Variants in EPS15L1 observed in about 807,000 individuals in gnomAD.
EPS15L1 encodes the protein epidermal growth factor receptor pathway substrate 15 like 1, also known as epidermal growth factor receptor substrate 15-like 1.
A neutral mutation model predicts 117.1 loss-of-function variants in EPS15L1; 43 were observed. The observed-to-expected ratio is 0.37, with a 90% confidence interval of 0.29 to 0.47. The LOEUF is 0.47. Among genes scored for constraint, EPS15L1 ranks in the 20% least tolerant of loss-of-function variants. The pLI is 0.99. For missense variants in EPS15L1, 981 were observed against 1,164.0 expected, an observed-to-expected ratio of 0.84 and a Z score of 2.29; for synonymous variants, 459 against 470.5, an observed-to-expected ratio of 0.98 and a Z score of 0.32.
intron 23 of EPS15L1, chr19:16,357,400 GATAA>G (rs2091995893): frequency 6.6e-6 from 1 of 152,424 alleles, no homozygotes; most frequent in Non-Finnish European, 1.5e-5. Context: ...CGTGGGGTGG[GATAA>G]GCCAGACTGA....
At position 16,420,360 on chromosome 19, in the gene EPS15L1, C is replaced by T. The variant is rs547279644; in HGVS notation, c.950+959G>A. On this transcript the variant is annotated intron_variant, in intron 10 of 23. Transcript: ENST00000455140. ...ACAGTCAGGGTGTCAGGGCGCTAAC[C>T]AGGAACTGTATGTGTGTTGGTTTCA... 4.6e-5 allele frequency among the ~76,000 whole-genome samples: 7 copies of T among 152,316 alleles called. No individual in the cohort carries two copies. The South Asian group carries it at 1.4e-3, about 32-fold the overall frequency.
chr19:16,470,612 G>C (rs2093339955), intron 1 of EPS15L1, among the ~76,000 whole-genome samples: 2 of 150,630 alleles, frequency 1.3e-5, no homozygotes, highest in African/African-American at 4.9e-5. Context: ...TCAGTAACAA[G>C]AACTTGCTAA....
intron 18 of EPS15L1, 151 bp downstream of exon 18, chr19:16,393,800 C>T (rs1321661065): frequency 7.7e-6 from 6 of 776,426 alleles, no homozygotes; most frequent in Middle Eastern, 3.6e-4. Context: ...GGAACGGGAC[C>T]GAGAATGGGT....
intron 10 of EPS15L1, among the ~76,000 whole-genome samples, chr19:16,419,542 A>ATTAT (rs1207371462): frequency 6.6e-6 from 1 of 152,114 alleles, no homozygotes; most frequent in Non-Finnish European, 1.5e-5. Context: ...GCATCTATGA[A>ATTAT]AAATGTCTTC....
intron 1 of EPS15L1, among the ~76,000 whole-genome samples, chr19:16,465,291 GT>G (rs2145199187): frequency 6.6e-6 from 1 of 152,134 alleles, no homozygotes; most frequent in South Asian, 2.1e-4. Context: ...TGGACCACCC[GT>G]GACCTGAGCC....
Position 16,404,686 on chromosome 19 carries a change from C to T in EPS15L1, c.1330G>A (p.Asp444Asn). 1.2e-6 allele frequency: 2 copies of T among 1,614,214 alleles called. No homozygotes were observed. Among genetic ancestry groups the T allele is most frequent in the Non-Finnish European group, 1.7e-6 (2 of 1,180,046 alleles). Residue 444 changes from aspartate to asparagine, a missense_variant, in exon 14 of 24, where the codon GAT (aspartate) becomes AAT (asparagine). Coordinates refer to ENST00000455140, the MANE Select transcript of EPS15L1 (RefSeq NM_001258374.3). This position sits in a 1 kb window ranked among gnomAD's most constrained non-coding sequence, Gnocchi z 4.2. The stretch of plus-strand genomic sequence containing the variant: ...ATCTCGTCCAGGCGGTCTTGAGCAT[C>T]CTGTTTCTGAGCCTCGAGCTCCTGC... ...SLQELEAQKQDAQDRLDEMDQ... is the reference protein window; with the variant it reads ...SLQELEAQKQNAQDRLDEMDQ...
chr19:16,470,913 AT>A (rs2093341602), intron 1 of EPS15L1, among the ~76,000 whole-genome samples: 2 of 152,138 alleles, frequency 1.3e-5, no homozygotes. Flanking sequence ...ATCCCAACAC[AT>A]TTTTATATCT....
intron 8 of EPS15L1, among the ~76,000 whole-genome samples, chr19:16,427,934 T>C (rs948510323): frequency 6.7e-6 from 1 of 149,068 alleles, no homozygotes; most frequent in African/African-American, 2.5e-5. Context: ...CTAGGTGCAG[T>C]GGCTCACGCC....
intron 7 of EPS15L1, among the ~76,000 whole-genome samples, chr19:16,431,236 C>CAA (rs370688830): frequency 2.6e-4 from 33 of 125,368 alleles, no homozygotes; most frequent in South Asian, 1.9e-3. Flanking sequence ...GACTTCATCT[C>CAA]AAAAAAAAAA....
At chr19:16,430,919 G>A (rs919883806) in intron 7 of EPS15L1, among the ~76,000 whole-genome samples, 1 of 152,206 alleles carries the variant, frequency 6.6e-6, no homozygotes, top group South Asian at 2.1e-4. Context: ...AGGGACATGG[G>A]TGCATAGATG....
Position 16,401,704 on chromosome 19 carries a change from G to A in EPS15L1, c.1791+617C>T, listed in dbSNP as rs74394451. 3.0e-3 allele frequency: 2,987 copies of A among 985,406 alleles called. 59 individuals carry two copies. In the African/African-American group the frequency reaches 0.047, roughly 16 times the overall value. 61.0% of individuals were successfully genotyped at this position (985,406 alleles called of 1,614,324 possible). A position where few individuals can be genotyped will look rare whatever the true frequency, so the allele number is the denominator to read the frequency against. On this transcript the variant is annotated intron_variant, in intron 16 of 23. Transcript: ENST00000455140. ...CTCAAGAGCTCTCAAAAATGTAAGG[G>A]GCCGACAGTCCCCTGCCCCAGGCCT... is the stretch of plus-strand genomic sequence containing the variant.
chr19:16,394,147 T>C (rs2092514439), intron 17 of EPS15L1, 146 bp from the exon 18 acceptor site: 2 of 709,246 alleles, frequency 2.8e-6, no homozygotes, highest in African/African-American at 1.8e-5. Context: ...TTCTCTACTA[T>C]CCACCTGCCC....
At chr19:16,425,745 C>G (rs771694946) in intron 8 of EPS15L1, among the ~76,000 whole-genome samples, 1 of 152,156 alleles carries the variant, frequency 6.6e-6, no homozygotes, top group Non-Finnish European at 1.5e-5. Context: ...ATGGAGGCTG[C>G]AGTGAGCTGT....
chr19:16,443,791 G>T (rs539106192), intron 1 of EPS15L1, among the ~76,000 whole-genome samples: 55 of 152,112 alleles, frequency 3.6e-4, no homozygotes, highest in Non-Finnish European at 7.5e-4. Flanking sequence ...AATGTATAAA[G>T]AAGTGAAAGT....
rs1311178825 is a variant in EPS15L1 at position 16,361,762 on chromosome 19, CG to C, written c.2586+16del. 3.1e-6 allele frequency: 5 copies of C among 1,606,624 alleles called. No homozygotes were observed. Among genetic ancestry groups the C allele is most frequent in the Non-Finnish European group, 4.2e-6 (5 of 1,176,574 alleles). On this transcript the variant is annotated intron_variant, in intron 23 of 23. Transcript: ENST00000455140. ...GGAAGGGAGTGGGGTGGCCCGGAGG[CG>C]GAGGACTCAACTTACAGAGGTGAAG...
intron 1 of EPS15L1, among the ~76,000 whole-genome samples, chr19:16,451,316 A>C (rs947454496): frequency 1.3e-5 from 2 of 152,106 alleles, no homozygotes; most frequent in Non-Finnish European, 2.9e-5. Flanking sequence ...TTTTTTCTTT[A>C]AAGACTTAGG....
At chr19:16,399,430 A>C (rs914640028) in intron 16 of EPS15L1, among the ~76,000 whole-genome samples, 2 of 152,166 alleles carry the variant, frequency 1.3e-5, no homozygotes, top group Non-Finnish European at 2.9e-5. Flanking sequence ...CAAGTTCAGC[A>C]ACCAGTGTGA....
rs1245997311 is a variant in EPS15L1, at chr19:16,403,620, A to G, written c.1626+113T>C. On this transcript the variant is annotated intron_variant, in intron 15 of 23. Coordinates refer to ENST00000455140, the MANE Select transcript of EPS15L1 (RefSeq NM_001258374.3). Reference sequence around the variant, plus strand: ...GGCCAGCACCACAGCCTCCCAAAAGAGACCCTCACGTAAGTAACAAGGGTG... The same window carrying G: ...GGCCAGCACCACAGCCTCCCAAAAGGGACCCTCACGTAAGTAACAAGGGTG... The G allele has an allele frequency of 3.0e-6, 3 of 1,009,218 alleles. No individual in the cohort carries two copies. In the South Asian group the frequency reaches 4.3e-5, roughly 14 times the overall value. 62.5% of individuals were successfully genotyped at this position (1,009,218 alleles called of 1,614,324 possible). A position where few individuals can be genotyped will look rare whatever the true frequency, so the allele number is the denominator to read the frequency against.
intron 1 of EPS15L1, among the ~76,000 whole-genome samples, chr19:16,469,400 C>A (rs992216773): frequency 1.3e-5 from 2 of 151,976 alleles, no homozygotes; most frequent in Non-Finnish European, 2.9e-5. Context: ...GAGGGGCCAC[C>A]GGTAACCTCG....
Sources: gnomAD v4.1 joint callset for allele counts (sites outside exome capture counted in the v4.1 genomes callset) on GRCh38, gnomAD v4.1.1 for gene constraint, Gnocchi (gnomAD v3.1) non-coding constraint, MANE v1.5 for transcripts, NCBI Gene and HGNC (gene_info 2026-07-23, HGNC 2026-07-21) for gene names.